SLC8A1: variants seen among roughly 807,000 people sequenced by gnomAD.
SLC8A1 encodes sodium/calcium exchanger 1.
In SLC8A1, 18 loss-of-function variants were observed where a neutral mutation model predicts 68.3. The observed-to-expected ratio is 0.26, with a 90% CI of 0.18 to 0.39. The LOEUF is 0.39. Among genes scored for constraint, SLC8A1 ranks in the 10% least tolerant of loss-of-function variants. SLC8A1 has a pLI of 1.00. For missense variants in SLC8A1, 985 were observed against 1,156.7 expected, an observed-to-expected ratio of 0.85 and a Z score of 2.15; for synonymous variants, 475 against 415.5, an observed-to-expected ratio of 1.14 and a Z score of -1.74.
At chr2:40,170,046 G>A (rs1456046303) in intron 4 of SLC8A1, among the ~76,000 whole-genome samples, 2 of 152,180 alleles carry the variant, frequency 1.3e-5, no homozygotes, top group Non-Finnish European at 2.9e-5. Flanking sequence ...GGAAAGAGAG[G>A]CCATGGGATC....
intron 2 of SLC8A1, among the ~76,000 whole-genome samples, chr2:40,180,989 C>T (rs978273501): frequency 5.3e-4 from 80 of 152,074 alleles, no homozygotes; most frequent in African/African-American, 1.9e-3. Context: ...GATGGAGTCT[C>T]ACTCTTATTG....
At chr2:40,227,456 T>G (rs2148876797) in intron 2 of SLC8A1, among the ~76,000 whole-genome samples, 1 of 152,144 alleles carries the variant, frequency 6.6e-6, no homozygotes, top group Middle Eastern at 3.4e-3. Context: ...CTTAGCAAAC[T>G]GACACAGGAA....
intron 2 of SLC8A1, among the ~76,000 whole-genome samples, chr2:40,314,264 G>C (rs2074141204): frequency 6.6e-6 from 1 of 151,932 alleles, no homozygotes; most frequent in South Asian, 2.1e-4. Flanking sequence ...GAATTGCCTT[G>C]TATTTTTGTT....
intron 2 of SLC8A1, among the ~76,000 whole-genome samples, chr2:40,210,268 C>T (rs954563193): frequency 5.3e-5 from 8 of 152,104 alleles, no homozygotes; most frequent in African/African-American, 1.2e-4. Context: ...TGAAGAGCTG[C>T]AGATGAGTGC....
chr2:40,217,307 G>A (rs971925060), intron 2 of SLC8A1, among the ~76,000 whole-genome samples: 1 of 152,078 alleles, frequency 6.6e-6, no homozygotes, highest in African/African-American at 2.4e-5. Flanking sequence ...GTAGATGTGT[G>A]GTGTTATTTC....
chr2:40,398,774 C>G (rs1179846706), intron 2 of SLC8A1, among the ~76,000 whole-genome samples: 1 of 152,108 alleles, frequency 6.6e-6, no homozygotes, highest in South Asian at 2.1e-4. Context: ...TTTGAATCTT[C>G]TGCTGTTATA....
At chr2:40,106,642 T>G (rs2034217027) in exon 8 of SLC8A1, 1 of 152,238 alleles carries the variant, frequency 6.6e-6, no homozygotes, top group African/African-American at 2.4e-5. Context: ...TTGTTCTCCT[T>G]AGAGTTTTGG....
chr2:40,343,046 A>C (rs1668202504), intron 2 of SLC8A1, among the ~76,000 whole-genome samples: 1 of 152,126 alleles, frequency 6.6e-6, no homozygotes, highest in Non-Finnish European at 1.5e-5. Flanking sequence ...ATTATGAGTA[A>C]AATGAGGATA....
intron 1 of SLC8A1, among the ~76,000 whole-genome samples, chr2:40,441,314 G>C (rs529765800): frequency 6.6e-6 from 1 of 151,578 alleles, no homozygotes; most frequent in African/African-American, 2.4e-5. Flanking sequence ...TTCATGGATA[G>C]GAACAATCAA....
chr2:40,332,724 A>G (rs1040115978), intron 2 of SLC8A1, among the ~76,000 whole-genome samples: 2 of 152,234 alleles, frequency 1.3e-5, no homozygotes, highest in African/African-American at 4.8e-5. Flanking sequence ...CTGTGAAGTG[A>G]GTTTATAATC....
At chr2:40,351,874 C>A (rs967541887) in intron 2 of SLC8A1, among the ~76,000 whole-genome samples, 1 of 152,130 alleles carries the variant, frequency 6.6e-6, no homozygotes, top group Non-Finnish European at 1.5e-5. Context: ...CAGTACTGAT[C>A]CTAAGGTGAT....
chr2:40,109,705 A>G lies in SLC8A1; in HGVS notation c.*5548T>C, dbSNP rs1369264132. 2.0e-5 allele frequency: 3 copies of G among 152,320 alleles called. No homozygotes were observed. In the East Asian group the frequency reaches 5.8e-4, roughly 29 times the overall value. The allele number at this position is 152,320 out of a possible 1,614,324, so 9.4% of individuals were successfully genotyped here. ...GGGAGTAGTCACCGAAGAACTGCAA[A>G]GGCTGAAATTAGGGAAAGGAAATAT... On this transcript the variant is annotated 3_prime_UTR_variant, in exon 8 of 8. Transcript: ENST00000406785.
chr2:40,319,649 C>T (rs1485776145), intron 2 of SLC8A1, among the ~76,000 whole-genome samples: 1 of 152,104 alleles, frequency 6.6e-6, no homozygotes, highest in Non-Finnish European at 1.5e-5. Context: ...CACAAAGCTC[C>T]TCCTTATGTT....
At position 40,301,872 on chromosome 2, in the gene SLC8A1, T is replaced by C. The variant is rs575284313; in HGVS notation, c.1809-124017A>G. Among the ~76,000 whole-genome samples, 60 of 150,556 alleles carry C rather than the reference T, an allele frequency of 4.0e-4. 1 individual carries two copies. The highest frequency in any genetic ancestry group is 6.8e-4 in the Non-Finnish European group (46 of 67,600). On this transcript the variant is annotated intron_variant, in intron 2 of 7. Transcript: ENST00000406785. ...AAGCAGTATATATACTGAACCCCAA[T>C]TTTTTTTTGAGATGGAGTCTTGCTC... is the stretch of plus-strand genomic sequence containing the variant.
chr2:40,339,631 G>A (rs895078806), intron 2 of SLC8A1, among the ~76,000 whole-genome samples: 3 of 152,116 alleles, frequency 2.0e-5, no homozygotes, highest in Non-Finnish European at 4.4e-5. Flanking sequence ...GAAATAGAAT[G>A]CAATTTATGA....
At chr2:40,505,102 T>A (rs904966278) in intron 1 of SLC8A1, among the ~76,000 whole-genome samples, 1 of 151,952 alleles carries the variant, frequency 6.6e-6, no homozygotes, top group Admixed American at 6.6e-5. Context: ...GTGGCACATA[T>A]ACACAATGGT....
At chr2:40,188,773 T>C (rs770002762) in intron 2 of SLC8A1, among the ~76,000 whole-genome samples, 2 of 152,174 alleles carry the variant, frequency 1.3e-5, no homozygotes, top group Non-Finnish European at 2.9e-5. Flanking sequence ...ATATTCTCTT[T>C]CTCTGTTTTC....
intron 2 of SLC8A1, chr2:40,213,480 G>A (rs1262805229): frequency 1.3e-5 from 2 of 152,188 alleles, no homozygotes; most frequent in Non-Finnish European, 2.9e-5. Context: ...TCTTCGGCAG[G>A]TGAATGTCAT....
intron 2 of SLC8A1, among the ~76,000 whole-genome samples, chr2:40,229,618 A>G (rs1239720297): frequency 1.3e-5 from 2 of 152,172 alleles, no homozygotes; most frequent in Non-Finnish European, 2.9e-5. Flanking sequence ...TCACAACACC[A>G]CATCAGTGTC....
Sources: gnomAD v4.1 joint callset for allele counts (sites outside exome capture counted in the v4.1 genomes callset) on GRCh38, gnomAD v4.1.1 for gene constraint, MANE v1.5 for transcripts, NCBI Gene and HGNC (gene_info 2026-07-23, HGNC 2026-07-21) for gene names.